Variants in LRRC75A observed in about 807,000 individuals in gnomAD.
The protein encoded by LRRC75A is leucine-rich repeat-containing protein 75A.
A neutral mutation model predicts 26.0 loss-of-function variants in LRRC75A; 12 were observed. The observed-to-expected ratio is 0.46, with a 90% CI of 0.30 to 0.75. LRRC75A has a LOEUF of 0.75. Among genes scored for constraint, LRRC75A ranks in the 30% least tolerant of loss-of-function variants. The pLI is 0.08. For missense variants in LRRC75A, 410 were observed against 486.6 expected (o/e 0.84, Z 1.48); for synonymous variants, 223 against 219.3 (o/e 1.02, Z -0.15).
chr17:16,445,690 C>T (rs1161773212), intron 3 of LRRC75A, among the ~76,000 whole-genome samples: 1 of 152,220 alleles, frequency 6.6e-6, no homozygotes, highest in Non-Finnish European at 1.5e-5. Context: ...AAGTAAAACT[C>T]TCAAGGCGTG....
In LRRC75A at chr17:16,452,674, T is replaced by A. The variant is rs575789742; in HGVS notation, c.376-4714A>T. ...TGGTCTCGAACTCCTGACCTCGTGA[T>A]CTGCCCGCCTCAGCCTCCTAAAGTG... On this transcript the variant is annotated intron_variant, in intron 2 of 3. Transcript: ENST00000470794. Among the ~76,000 whole-genome samples, 9 of 152,156 alleles carry A rather than the reference T, an allele frequency of 5.9e-5. No individual in the cohort carries two copies. The South Asian group carries it at 1.9e-3, about 32-fold the overall frequency.
At chr17:16,484,840 G>A (rs1307656397) in intron 1 of LRRC75A, among the ~76,000 whole-genome samples, 2 of 152,046 alleles carry the variant, frequency 1.3e-5, no homozygotes, top group Non-Finnish European at 2.9e-5. Context: ...TCTCAGCTGT[G>A]CTCCTGTGTC....
At chr17:16,453,827 A>G (rs1432519682) in intron 2 of LRRC75A, among the ~76,000 whole-genome samples, 1 of 152,074 alleles carries the variant, frequency 6.6e-6, no homozygotes, top group Middle Eastern at 3.2e-3. Flanking sequence ...AGAGTGAGTC[A>G]GAGAAACCAG....
At chr17:16,480,367 T>C (rs1354141616) in intron 1 of LRRC75A, among the ~76,000 whole-genome samples, 2 of 152,072 alleles carry the variant, frequency 1.3e-5, no homozygotes, top group Non-Finnish European at 2.9e-5. Context: ...CGGTGGCTCA[T>C]GCCTGTAATC....
intron 1 of LRRC75A, among the ~76,000 whole-genome samples, chr17:16,468,181 T>C (rs1309823045): frequency 2.6e-5 from 4 of 152,160 alleles, no homozygotes; most frequent in Non-Finnish European, 2.9e-5. Context: ...AAACACAGAA[T>C]TGCCATATGA....
chr17:16,485,028 G>T (rs549771510), intron 1 of LRRC75A, among the ~76,000 whole-genome samples: 1 of 151,858 alleles, frequency 6.6e-6, no homozygotes, highest in Non-Finnish European at 1.5e-5. Context: ...TCAGGGCCGG[G>T]TGGGGGTAGG....
At chr17:16,475,606 T>C (rs1558243) in intron 1 of LRRC75A, among the ~76,000 whole-genome samples, 61,583 of 151,984 alleles carry the variant, frequency 0.41, 13,021 homozygotes, top group East Asian at 0.73. Flanking sequence ...GGCTACAGTG[T>C]GGTGGTGTGA....
chr17:16,450,968 G>C (rs1601093020), intron 2 of LRRC75A, among the ~76,000 whole-genome samples: 1 of 152,200 alleles, frequency 6.6e-6, no homozygotes, highest in East Asian at 1.9e-4. Flanking sequence ...GGCAGGAGGG[G>C]GGTGACCTGC....
intron 1 of LRRC75A, among the ~76,000 whole-genome samples, chr17:16,486,969 C>T (rs1292334809): frequency 6.6e-6 from 1 of 152,230 alleles, no homozygotes; most frequent in Non-Finnish European, 1.5e-5. Context: ...CTAAGGTATG[C>T]CACGAGCCTA....
intron 1 of LRRC75A, among the ~76,000 whole-genome samples, chr17:16,482,451 C>A (rs956901022): frequency 2.0e-5 from 3 of 152,052 alleles, no homozygotes; most frequent in African/African-American, 7.3e-5. Context: ...GGGCTGAGGG[C>A]CGTGGGAAGG....
chr17:16,480,016 CA>C (rs1250246585), intron 1 of LRRC75A, among the ~76,000 whole-genome samples: 1 of 152,164 alleles, frequency 6.6e-6, no homozygotes, highest in Non-Finnish European at 1.5e-5. Flanking sequence ...ATTAGGCTCT[CA>C]TAGGAGCACA....
At position 16,442,298 on chromosome 17, in the gene LRRC75A, C is replaced by G. The variant is rs1245847875; in HGVS notation, c.*1290G>C. 6.6e-6 allele frequency: 1 copy of G among 152,294 alleles called. No homozygotes were observed. Among genetic ancestry groups the G allele is most frequent in the African/African-American group, 2.4e-5 (1 of 41,458 alleles). 9.4% of individuals were successfully genotyped at this position (152,294 alleles called of 1,614,324 possible). On this transcript the variant is annotated 3_prime_UTR_variant, in exon 4 of 4. Transcript: ENST00000470794. ...CACAACCTTAACAGCATGTAGGGCC[C>G]CATACTCTAGGCCCCATCTTGCTGT...
At chr17:16,457,481 T>C (rs1007226158) in intron 2 of LRRC75A, among the ~76,000 whole-genome samples, 1 of 151,468 alleles carries the variant, frequency 6.6e-6, no homozygotes, top group Non-Finnish European at 1.5e-5. Context: ...GATGGGGGAG[T>C]TTATTCTGAT....
chr17:16,484,297 T>C (rs750537961), intron 1 of LRRC75A, among the ~76,000 whole-genome samples: 11 of 151,910 alleles, frequency 7.2e-5, no homozygotes, highest in Non-Finnish European at 1.3e-4. Context: ...GATGGCGCCA[T>C]TGCACTCCAG....
intron 2 of LRRC75A, among the ~76,000 whole-genome samples, chr17:16,451,692 C>G (rs2093632394): frequency 6.6e-6 from 1 of 151,894 alleles, no homozygotes; most frequent in Non-Finnish European, 1.5e-5. Flanking sequence ...GATGGCCCAT[C>G]TAGAGCTGTG....
At position 16,491,686 on chromosome 17, in the gene LRRC75A, C is replaced by T; in HGVS notation, c.246+59G>A. Reference sequence around the variant, plus strand: ...TCCTCGGTTAGGGATGGGGCGCCCCCCCCGGCCCAGCACGCCCCCTGGCCC... The same window carrying T: ...TCCTCGGTTAGGGATGGGGCGCCCCTCCCGGCCCAGCACGCCCCCTGGCCC... On this transcript the variant is annotated intron_variant, in intron 1 of 3. Transcript: ENST00000470794. This position sits in a 1 kb window ranked among gnomAD's most constrained non-coding sequence, Gnocchi z 5.9. The T allele has an allele frequency of 8.3e-7, 1 of 1,207,834 alleles. No individual in the cohort carries two copies. The highest frequency in any genetic ancestry group is 2.5e-5 in the South Asian group (1 of 39,614). 74.8% of individuals were successfully genotyped at this position (1,207,834 alleles called of 1,614,324 possible).
chr17:16,446,907 C>T, intron 3 of LRRC75A: 1 of 375,710 alleles, frequency 2.7e-6, no homozygotes, highest in Non-Finnish European at 5.2e-6. Flanking sequence ...GAATGCGCCT[C>T]TCCAGGATCC....
In LRRC75A at chr17:16,491,177, A is replaced by T. The variant is rs1402235800; in HGVS notation, c.246+568T>A. Among the ~76,000 whole-genome samples the T allele has an allele frequency of 2.0e-5, 3 of 152,194 alleles. No individual in the cohort carries two copies. Among genetic ancestry groups the T allele is most frequent in the Non-Finnish European group, 4.4e-5 (3 of 68,030 alleles). ...TTTCCGCAGGGGCTCATGGTTGAGG[A>T]TCTGCTGAAGTTAGTCAGGGGAGAG... On this transcript the variant is annotated intron_variant, in intron 1 of 3. Transcript: ENST00000470794. This position sits in a 1 kb window ranked among gnomAD's most constrained non-coding sequence, Gnocchi z 5.9.
At chr17:16,473,268 C>G (rs574877164) in intron 1 of LRRC75A, among the ~76,000 whole-genome samples, 5 of 152,120 alleles carry the variant, frequency 3.3e-5, no homozygotes, top group African/African-American at 9.6e-5. Flanking sequence ...AGTTAAGAGC[C>G]CGAGGCACAC....
Sources: allele counts gnomAD v4.1 joint callset (sites outside exome capture counted in the v4.1 genomes callset), GRCh38; gene constraint gnomAD v4.1.1; non-coding constraint Gnocchi (gnomAD v3.1); transcripts MANE v1.5; gene names NCBI Gene and HGNC (gene_info 2026-07-23, HGNC 2026-07-21).